ZNF500: variants seen among roughly 807,000 people sequenced by gnomAD.
The protein encoded by ZNF500 is zinc finger protein 500.
In ZNF500, 31 loss-of-function variants were observed where a neutral mutation model predicts 30.1. The observed-to-expected ratio is 1.03, with a 90% CI of 0.77 to 1.39. The LOEUF (loss-of-function observed/expected upper bound fraction) is 1.39, where lower values mean the gene tolerates loss of function less well. ZNF500 is among the 40% of genes most tolerant of loss of function. The pLI is 0.00. For synonymous variants in ZNF500, 392 were observed against 282.0 expected (o/e 1.39, Z -3.91); for missense variants, 817 against 657.8 (o/e 1.24, Z -2.65).
In ZNF500 at chr16:4,752,570, G is replaced by C. The variant is rs201333174; in HGVS notation, c.1249C>G (p.Arg417Gly). 6.3e-7 allele frequency: 1 copy of C among 1,578,026 alleles called. No homozygotes were observed. Among genetic ancestry groups the C allele is most frequent in the Non-Finnish European group, 8.6e-7 (1 of 1,164,022 alleles). The change falls in exon 6 of 6, where the codon CGC becomes GGC. Residue 417 changes from arginine to glycine, a missense_variant. Coordinates refer to ENST00000219478, the MANE Select transcript of ZNF500 (RefSeq NM_021646.4). ...CTGAAGTGCGAGCTGTTGTTGAAGC[G>C]CTTCCCGCACTGGGTGCAGGCATAG... ...RPYACTQCGKRFNNSSHFSAH... is the reference protein window; with the variant it reads ...RPYACTQCGKGFNNSSHFSAH...
rs932243320 is a variant in ZNF500, at chr16:4,763,695, G to T, written c.415-939C>A. The T allele has an allele frequency of 5.1e-6, 5 of 984,750 alleles. No homozygotes were observed. In the African/African-American group the frequency reaches 8.8e-5, roughly 17 times the overall value. 61.0% of individuals were successfully genotyped at this position (984,750 alleles called of 1,614,324 possible). Reference sequence around the variant, plus strand: ...CATGAGGCATGTGTGCAGAGGTGTCGGTGCAGTGACAGAAGGAAGCCATGC... The same window carrying T: ...CATGAGGCATGTGTGCAGAGGTGTCTGTGCAGTGACAGAAGGAAGCCATGC... On this transcript the variant is annotated intron_variant, in intron 2 of 5. Transcript: ENST00000219478.
rs569602301 is a variant in ZNF500, at chr16:4,756,551, T to C, written c.761-3493A>G. The C allele has an allele frequency of 2.6e-5, 4 of 152,054 alleles. No homozygotes were observed. In the East Asian group the frequency reaches 5.8e-4, roughly 22 times the overall value. The allele number at this position is 152,054 out of a possible 1,614,324, so 9.4% of individuals were successfully genotyped here. ...AGACTCCATCTCTATCAAAAAATTT[T>C]TGTCGCCCAGGCTGGTGTGTAATGG... On this transcript the variant is annotated intron_variant, in intron 5 of 5. Coordinates refer to ENST00000219478, the MANE Select transcript of ZNF500 (RefSeq NM_021646.4).
At chr16:4,747,390 A>AG, downstream of ZNF500, 1 of 1,609,676 alleles carries the variant, frequency 6.2e-7, no homozygotes, top group Admixed American at 1.7e-5. Context: ...AGGGCCTTTC[A>AG]GAAGGGGACA....
chr16:4,747,339 AC>A (rs750388784), downstream of ZNF500: 2 of 1,560,348 alleles, frequency 1.3e-6, no homozygotes, highest in Non-Finnish European at 1.7e-6. Context: ...TCATTGTGTC[AC>A]AGGACCTGTA....
chr16:4,754,922 A>T (rs918104845), intron 5 of ZNF500, among the ~76,000 whole-genome samples: 6 of 152,072 alleles, frequency 3.9e-5, no homozygotes, highest in African/African-American at 1.4e-4. Context: ...CTGTCCTGAC[A>T]ATGGTGAGTG....
intron 4 of ZNF500, among the ~76,000 whole-genome samples, chr16:4,761,083 T>C (rs2082193689): frequency 2.0e-5 from 3 of 152,004 alleles, no homozygotes; most frequent in African/African-American, 7.2e-5. Flanking sequence ...TGCCAGAGGC[T>C]GAGGGAAAAA....
chr16:4,756,778 A>C (rs1214437255), intron 5 of ZNF500: 1 of 152,082 alleles, frequency 6.6e-6, no homozygotes, highest in African/African-American at 2.4e-5. Flanking sequence ...GGCCTCCCAA[A>C]GTGCTGGGAT....
At position 4,748,327 on chromosome 16, in the gene ZNF500, A is replaced by G. The variant is rs2082045352; in HGVS notation, c.*4049T>C. 1 of 150,476 alleles carries G rather than the reference A, an allele frequency of 6.6e-6. No individual in the cohort carries two copies. The highest frequency in any genetic ancestry group is 2.1e-4 in the South Asian group (1 of 4,798). The allele number at this position is 150,476 out of a possible 1,614,324, so 9.3% of individuals were successfully genotyped here. ...AGGCCTTCCACAGTGCTGGGATTAT[A>G]GCACTGTGAGCTGCCAGCCTGGCTT... On this transcript the variant is annotated 3_prime_UTR_variant, in exon 6 of 6. Coordinates refer to ENST00000219478, the MANE Select transcript of ZNF500 (RefSeq NM_021646.4).
chr16:4,744,847 GCCTCTCCTTTGGCCAT>G, downstream of ZNF500: 1 of 1,605,790 alleles, frequency 6.2e-7, no homozygotes, highest in Non-Finnish European at 8.5e-7. Flanking sequence ...CCACTAATCA[GCCTCTCCTTTGGCCAT>G]CCTCAGACCG....
Position 4,751,322 on chromosome 16 carries a change from C to T in ZNF500, c.*1054G>A, listed in dbSNP as rs375768636. 3.5e-4 allele frequency: 161 copies of T among 464,194 alleles called. 1 individual carries two copies. The highest frequency in any genetic ancestry group is 1.8e-3 in the Middle Eastern group (3 of 1,710). The allele number at this position is 464,194 out of a possible 1,614,324, so 28.8% of individuals were successfully genotyped here. ...ACCTTAGAAAGACAAAGTGGGGCAA[C>T]CGTGGAAGGCCACATTCCAGACACT... On this transcript the variant is annotated 3_prime_UTR_variant, in exon 6 of 6. Coordinates refer to ENST00000219478, the MANE Select transcript of ZNF500 (RefSeq NM_021646.4).
chr16:4,765,487 G>C lies in ZNF500; in HGVS notation c.414+78C>G, dbSNP rs1349515836. ...AGGCAGCCACACTTGGTCACCCAATGACCAAGGAATCTGCAGCTGCAGACC... is the reference window on the plus strand; with the variant it reads ...AGGCAGCCACACTTGGTCACCCAATCACCAAGGAATCTGCAGCTGCAGACC... On this transcript the variant is annotated intron_variant, in intron 2 of 5. Coordinates refer to ENST00000219478, the MANE Select transcript of ZNF500 (RefSeq NM_021646.4). The C allele has an allele frequency of 4.0e-6, 6 of 1,514,436 alleles. No individual in the cohort carries two copies. The African/African-American group carries it at 8.4e-5, about 21-fold the overall frequency. 93.8% of individuals were successfully genotyped at this position (1,514,436 alleles called of 1,614,324 possible). A position where few individuals can be genotyped will look rare whatever the true frequency, so the allele number is the denominator to read the frequency against.
rs759956118 is a variant in ZNF500, at chr16:4,752,409, C to T, written c.1410G>A (p.Pro470=). 4.2e-5 allele frequency: 64 copies of T among 1,521,370 alleles called. No individual in the cohort carries two copies. The Middle Eastern group carries it at 1.8e-3, about 43-fold the overall frequency. 94.2% of individuals were successfully genotyped at this position (1,521,370 alleles called of 1,614,324 possible). A position where few individuals can be genotyped will look rare whatever the true frequency, so the allele number is the denominator to read the frequency against. Residue 470 remains proline (P), a synonymous_variant, in exon 6 of 6, where the codon CCG becomes CCA. Coordinates refer to ENST00000219478, the MANE Select transcript of ZNF500 (RefSeq NM_021646.4). ...MGAGSLPTLQ[P]VAPGGPGAKA ...TGGCACCGGGGCCTCCAGGAGCCACCGGCTGGAGCGTCGGCAAGGAGCCTG... is the reference window on the plus strand; with the variant it reads ...TGGCACCGGGGCCTCCAGGAGCCACTGGCTGGAGCGTCGGCAAGGAGCCTG...
chr16:4,745,558 T>G (rs2082004349), downstream of ZNF500, among the ~76,000 whole-genome samples: 1 of 152,212 alleles, frequency 6.6e-6, no homozygotes, highest in South Asian at 2.1e-4. Context: ...CCCCACACTT[T>G]GGTTGCTCCG....
intron 2 of ZNF500, among the ~76,000 whole-genome samples, chr16:4,763,337 T>A (rs2082228296): frequency 6.7e-6 from 1 of 149,702 alleles, no homozygotes; most frequent in Non-Finnish European, 1.5e-5. Flanking sequence ...AAGTACAGGT[T>A]GCAGTGAGCC....
At chr16:4,763,565 C>A (rs1031116774) in intron 2 of ZNF500, 3 of 985,254 alleles carry the variant, frequency 3.0e-6, no homozygotes, top group African/African-American at 3.5e-5. Flanking sequence ...ACAAACCCAG[C>A]GTCAGGGACC....
At chr16:4,747,685 T>C, downstream of ZNF500, 7 of 1,509,970 alleles carry the variant, frequency 4.6e-6, no homozygotes, top group Non-Finnish European at 6.2e-6. Flanking sequence ...CCATGGACCC[T>C]GGGCCCCGGT....
In ZNF500 at chr16:4,753,077, G is replaced by A. The variant is rs376482915; in HGVS notation, c.761-19C>T. The A allele has an allele frequency of 5.3e-6, 8 of 1,504,134 alleles. No individual in the cohort carries two copies. The highest frequency in any genetic ancestry group is 2.3e-5 in the East Asian group (1 of 43,942). 93.2% of individuals were successfully genotyped at this position (1,504,134 alleles called of 1,614,324 possible). On this transcript the variant is annotated intron_variant, in intron 5 of 5. Coordinates refer to ENST00000219478, the MANE Select transcript of ZNF500 (RefSeq NM_021646.4). Reference sequence around the variant, plus strand: ...CCAGGTCCTGAGACAGAGAAAGCACGATCTCTAGGAACTCACAGCAAGAGG... The same window carrying A: ...CCAGGTCCTGAGACAGAGAAAGCACAATCTCTAGGAACTCACAGCAAGAGG...
At chr16:4,761,129 T>C (rs1264096712) in intron 4 of ZNF500, among the ~76,000 whole-genome samples, 1 of 152,044 alleles carries the variant, frequency 6.6e-6, no homozygotes, top group Non-Finnish European at 1.5e-5. Flanking sequence ...TAGGGGGTTT[T>C]CGGGGAGGGT....
At chr16:4,762,232 A>AG (rs1462841716) in intron 4 of ZNF500, 39 bp downstream of exon 4, 25 of 1,602,582 alleles carry the variant, frequency 1.6e-5, no homozygotes, top group Non-Finnish European at 2.0e-5. Flanking sequence ...AGGTCGGGCC[A>AG]GACCCCAGGA....
Sources: allele counts gnomAD v4.1 joint callset (sites outside exome capture counted in the v4.1 genomes callset), GRCh38; gene constraint gnomAD v4.1.1; transcripts MANE v1.5; gene names NCBI Gene and HGNC (gene_info 2026-07-23, HGNC 2026-07-21).